SGCZ: variants seen among roughly 807,000 people sequenced by gnomAD.
The protein encoded by SGCZ is sarcoglycan zeta.
Under a neutral mutation model 41.3 loss-of-function variants are expected in SGCZ, and 40 were observed. The ratio of observed to expected loss-of-function variants is 0.97; its 90% CI spans 0.75 to 1.26. The LOEUF (loss-of-function observed/expected upper bound fraction) is 1.26, where lower values mean the gene tolerates loss of function less well. Among genes scored for constraint, SGCZ ranks in the 50% most tolerant of loss-of-function variants. The probability of loss-of-function intolerance (pLI) is 0.00; values close to 1 mark genes in which losing one functional copy is unlikely to be tolerated. For missense variants in SGCZ, 552 were observed against 369.8 expected, an observed-to-expected ratio of 1.49 and a Z score of -4.04; for synonymous variants, 206 against 137.5, an observed-to-expected ratio of 1.50 and a Z score of -3.49.
At chr8:14,913,257 A>G (rs1424133115) in intron 1 of SGCZ, among the ~76,000 whole-genome samples, 1 of 152,102 alleles carries the variant, frequency 6.6e-6, no homozygotes, top group Non-Finnish European at 1.5e-5. Flanking sequence ...AAATGTAATT[A>G]TATAATAAAT....
At position 14,344,234 on chromosome 8, in the gene SGCZ, G is replaced by A. The variant is rs565763534; in HGVS notation, c.235-20030C>T. Among the ~76,000 whole-genome samples the A allele has an allele frequency of 1.4e-4, 22 of 151,728 alleles. No homozygotes were observed. In the South Asian group the frequency reaches 4.6e-3, roughly 32 times the overall value. ...AGGAGACCAGTAGACCTTAGATAAG[G>A]AAAATATCTAAGCTATTTTAATTGA... On this transcript the variant is annotated intron_variant, in intron 2 of 7. Transcript: ENST00000382080.
chr8:14,796,780 T>C (rs1354331960), intron 1 of SGCZ, among the ~76,000 whole-genome samples: 1 of 152,152 alleles, frequency 6.6e-6, no homozygotes, highest in Admixed American at 6.5e-5. Flanking sequence ...TCCCCACATG[T>C]GGTGGTAGGG....
chr8:14,752,108 CAAAAG>C, intron 1 of SGCZ, among the ~76,000 whole-genome samples: 1 of 12,554 alleles, frequency 8.0e-5, no homozygotes, highest in Non-Finnish European at 2.2e-4. Context: ...ATACCGAAAA[CAAAAG>C]AAAACAAAAC....
At chr8:14,621,490 T>C (rs908274475) in intron 1 of SGCZ, among the ~76,000 whole-genome samples, 1 of 151,044 alleles carries the variant, frequency 6.6e-6, no homozygotes, top group African/African-American at 2.4e-5. Context: ...AAAATAAAAA[T>C]AAAATAAAAT....
intron 2 of SGCZ, among the ~76,000 whole-genome samples, chr8:14,481,508 C>A (rs1408966336): frequency 1.3e-5 from 2 of 152,104 alleles, no homozygotes; most frequent in Non-Finnish European, 2.9e-5. Context: ...ATAAATTTGA[C>A]CAAACATTTT....
At chr8:14,765,998 T>C (rs776564974) in intron 1 of SGCZ, among the ~76,000 whole-genome samples, 20 of 149,918 alleles carry the variant, frequency 1.3e-4, no homozygotes, top group Non-Finnish European at 2.4e-4. Context: ...AGAGGCTGAC[T>C]GTCGACCAGG....
At chr8:14,101,845 G>T (rs1222372147) in intron 7 of SGCZ, among the ~76,000 whole-genome samples, 1 of 151,368 alleles carries the variant, frequency 6.6e-6, no homozygotes, top group East Asian at 1.9e-4. Flanking sequence ...GAAGCATAAA[G>T]AAGTGCTTTG....
chr8:14,445,813 C>A (rs1800416017), intron 2 of SGCZ, among the ~76,000 whole-genome samples: 1 of 152,128 alleles, frequency 6.6e-6, no homozygotes, highest in South Asian at 2.1e-4. Context: ...TGGAATACTC[C>A]CTCTGGTTCT....
intron 1 of SGCZ, among the ~76,000 whole-genome samples, chr8:14,644,176 A>C (rs189382161): frequency 2.0e-5 from 3 of 151,714 alleles, no homozygotes. Flanking sequence ...TTAGTCAAGC[A>C]CCCATCTAGA....
At chr8:15,172,952 T>A (rs1329387370) in intron 1 of SGCZ, among the ~76,000 whole-genome samples, 2 of 152,216 alleles carry the variant, frequency 1.3e-5, no homozygotes, top group Non-Finnish European at 2.9e-5. Context: ...TCCAAAGAAG[T>A]CATTACGAGA....
chr8:14,490,874 A>C (rs544828499), intron 2 of SGCZ, among the ~76,000 whole-genome samples: 1 of 152,336 alleles, frequency 6.6e-6, no homozygotes, highest in African/African-American at 2.4e-5. Context: ...GTGGAATTAG[A>C]AGCTCATATA....
rs575487065 is a variant in SGCZ at position 15,112,551 on chromosome 8, A to G, written c.39+125034T>C. Among the ~76,000 whole-genome samples, 7 of 152,370 alleles carry G rather than the reference A, an allele frequency of 4.6e-5. No homozygotes were observed. The East Asian group carries it at 1.2e-3, about 25-fold the overall frequency. ...TGAACTCTAGGAATGCTTGACAAAA[A>G]TAAGTGGAAAAGTAATGTGTCCGTT... On this transcript the variant is annotated intron_variant, in intron 1 of 7. Coordinates refer to ENST00000382080, the MANE Select transcript of SGCZ (RefSeq NM_139167.4).
intron 2 of SGCZ, among the ~76,000 whole-genome samples, chr8:14,421,223 G>C (rs1193563233): frequency 1.3e-5 from 2 of 151,954 alleles, no homozygotes; most frequent in African/African-American, 4.8e-5. Context: ...AGGGGCTATT[G>C]ATCTCATGTT....
intron 1 of SGCZ, chr8:14,690,731 C>T (rs757744839): frequency 6.6e-6 from 1 of 152,072 alleles, no homozygotes; most frequent in Non-Finnish European, 1.5e-5. Flanking sequence ...TCATTCTGTT[C>T]AGAATATGGC....
intron 2 of SGCZ, among the ~76,000 whole-genome samples, chr8:14,437,528 C>T (rs1042848069): frequency 7.2e-5 from 11 of 151,966 alleles, no homozygotes; most frequent in Admixed American, 7.2e-4. Flanking sequence ...ATACATTTTT[C>T]ATAAAATAGG....
intron 1 of SGCZ, among the ~76,000 whole-genome samples, chr8:15,155,175 G>C (rs373702135): frequency 5.3e-5 from 8 of 152,194 alleles, no homozygotes; most frequent in African/African-American, 1.9e-4. Flanking sequence ...CACGCCTATA[G>C]TCCCAGCTAC....
At chr8:14,734,284 A>T (rs1798961931) in intron 1 of SGCZ, among the ~76,000 whole-genome samples, 1 of 152,194 alleles carries the variant, frequency 6.6e-6, no homozygotes, top group African/African-American at 2.4e-5. Flanking sequence ...AGGAAGAGAA[A>T]ATAAGATATC....
intron 3 of SGCZ, among the ~76,000 whole-genome samples, chr8:14,269,758 T>C (rs62500226): frequency 0.29 from 44,124 of 151,842 alleles, 7,498 homozygotes; most frequent in Non-Finnish European, 0.39. Flanking sequence ...ATGAAGAAGA[T>C]GTCAACTGAT....
At chr8:15,125,875 G>C (rs754360450) in intron 1 of SGCZ, among the ~76,000 whole-genome samples, 1 of 152,320 alleles carries the variant, frequency 6.6e-6, no homozygotes, top group Non-Finnish European at 1.5e-5. Context: ...GTCGGGTGCA[G>C]TGGCTCACGC....
Sources: gnomAD v4.1 joint callset for allele counts (sites outside exome capture counted in the v4.1 genomes callset) on GRCh38, gnomAD v4.1.1 for gene constraint, MANE v1.5 for transcripts, NCBI Gene and HGNC (gene_info 2026-07-23, HGNC 2026-07-21) for gene names.